SENP7: variants seen among roughly 807,000 people sequenced by gnomAD.
SENP7 encodes the protein SUMO specific peptidase 7.
SENP7 carries 64 observed loss-of-function variants against 141.2 expected under a neutral mutation model. The ratio of observed to expected loss-of-function variants is 0.45; its 90% confidence interval spans 0.37 to 0.56. The LOEUF is 0.56. SENP7 is among the 20% of genes least tolerant of loss of function. SENP7 has a pLI of 0.00. For missense variants in SENP7, 1,025 were observed against 1,212.2 expected (o/e 0.85, Z 2.29); for synonymous variants, 382 against 426.4 (o/e 0.90, Z 1.28).
intron 18 of SENP7, 120 bp downstream of exon 18, chr3:101,332,650 A>G (rs946691441): frequency 1.8e-6 from 1 of 560,804 alleles, no homozygotes; most frequent in Non-Finnish European, 2.8e-6. Flanking sequence ...ATTTAAAAAA[A>G]TTAAAATAAT....
rs1411329791 is a variant in SENP7, at chr3:101,453,102, G to A, written c.284+5853C>T. Among the ~76,000 whole-genome samples, 9 of 152,172 alleles carry A rather than the reference G, an allele frequency of 5.9e-5. No homozygotes were observed. In the Middle Eastern group the frequency reaches 0.01, roughly 173 times the overall value. On this transcript the variant is annotated intron_variant, in intron 4 of 23. Transcript: ENST00000394095. Reference sequence around the variant, plus strand: ...AAAGAAGACATTTATGCAGCCAAAAGACACATGAAAAAATGCTCATCATCA... The same window carrying A: ...AAAGAAGACATTTATGCAGCCAAAAAACACATGAAAAAATGCTCATCATCA...
rs368791701 is a variant in SENP7, at chr3:101,482,681, A to G, written c.186+11192T>C. 2.4e-4 allele frequency among the ~76,000 whole-genome samples: 37 copies of G among 152,298 alleles called. No homozygotes were observed. In the East Asian group the frequency reaches 4.6e-3, roughly 19 times the overall value. On this transcript the variant is annotated intron_variant, in intron 3 of 23. Coordinates refer to ENST00000394095, the MANE Select transcript of SENP7 (RefSeq NM_020654.5). The stretch of plus-strand genomic sequence containing the variant: ...ACTTATTATAAAGCTACACTAATCA[A>G]GAGAGTGTGGTATGGGTGAAAGAAT...
At chr3:101,473,536 T>C (rs2064095791) in intron 3 of SENP7, among the ~76,000 whole-genome samples, 1 of 152,238 alleles carries the variant, frequency 6.6e-6, no homozygotes, top group South Asian at 2.1e-4. Context: ...ACGTCTTCTT[T>C]GGAAAAGCAC....
intron 6 of SENP7, among the ~76,000 whole-genome samples, chr3:101,392,469 G>A (rs1017400735): frequency 1.4e-4 from 21 of 151,900 alleles, no homozygotes; most frequent in African/African-American, 2.9e-4. Context: ...AAATAACTAC[G>A]AATAAATTTA....
At chr3:101,413,504 T>C (rs950760964) in intron 5 of SENP7, among the ~76,000 whole-genome samples, 1 of 152,140 alleles carries the variant, frequency 6.6e-6, no homozygotes, top group East Asian at 1.9e-4. Context: ...CAAACATTAA[T>C]TGAGCATTTA....
chr3:101,327,809 C>G lies in SENP7; in HGVS notation c.2872G>C (p.Glu958Gln), dbSNP rs769204505. The change falls in exon 23 of 24, where the codon GAG becomes CAG. Residue 958 changes from glutamate to glutamine, a missense_variant. By Grantham distance (29) the Glu-to-Gln change is conservative. Coordinates refer to ENST00000394095, the MANE Select transcript of SENP7 (RefSeq NM_020654.5). ...NTVQNLREYL[E>Q]VEWEVKLKTH... ...TTTAGTTTAACTTCCCACTCTACCTCTAAATACCTGAAATAATCAACAAAT... is the reference window on the plus strand; with the variant it reads ...TTTAGTTTAACTTCCCACTCTACCTGTAAATACCTGAAATAATCAACAAAT... 1 of 1,600,654 alleles carries G rather than the reference C, an allele frequency of 6.2e-7. No individual in the cohort carries two copies. The highest frequency in any genetic ancestry group is 8.5e-7 in the Non-Finnish European group (1 of 1,170,380).
At chr3:101,376,291 C>A (rs999050245) in intron 6 of SENP7, among the ~76,000 whole-genome samples, 1 of 151,918 alleles carries the variant, frequency 6.6e-6, no homozygotes, top group African/African-American at 2.4e-5. Flanking sequence ...GATGGCTGCA[C>A]AAATATGTGA....
chr3:101,470,783 G>A (rs1297419955), intron 3 of SENP7, among the ~76,000 whole-genome samples: 1 of 152,168 alleles, frequency 6.6e-6, no homozygotes, highest in Admixed American at 6.6e-5. Context: ...TCCTTAAGCT[G>A]AGAAGCAACT....
intron 19 of SENP7, among the ~76,000 whole-genome samples, chr3:101,331,702 G>A (rs2062319): frequency 0.064 from 9,759 of 152,010 alleles, 606 homozygotes; most frequent in East Asian, 0.22. Context: ...AGGTGAAACA[G>A]GTATTGATGT....
intron 1 of SENP7, among the ~76,000 whole-genome samples, chr3:101,510,315 AC>A (rs1474099138): frequency 2.0e-5 from 3 of 152,184 alleles, no homozygotes; most frequent in Non-Finnish European, 4.4e-5. Context: ...TTTAGCTTAA[AC>A]CATCTGGAAT....
intron 20 of SENP7, 72 bp downstream of exon 20, chr3:101,330,262 G>T: frequency 1.8e-6 from 2 of 1,130,676 alleles, no homozygotes; most frequent in Non-Finnish European, 2.6e-6. Flanking sequence ...ACCTAGCTAT[G>T]CTCTATTTTA....
At chr3:101,504,980 G>A (rs973766281) in intron 1 of SENP7, among the ~76,000 whole-genome samples, 7 of 152,036 alleles carry the variant, frequency 4.6e-5, no homozygotes, top group African/African-American at 1.4e-4. Flanking sequence ...GTGGAGAATC[G>A]CTTGAGCCCA....
At chr3:101,463,414 T>C (rs1409515134) in intron 3 of SENP7, among the ~76,000 whole-genome samples, 6 of 127,924 alleles carry the variant, frequency 4.7e-5, no homozygotes, top group African/African-American at 1.6e-4. Flanking sequence ...TATATATATA[T>C]ATACACACAC....
chr3:101,444,500 C>A (rs1195571470), intron 4 of SENP7, among the ~76,000 whole-genome samples: 1 of 151,898 alleles, frequency 6.6e-6, no homozygotes, highest in Non-Finnish European at 1.5e-5. Flanking sequence ...CCCAAATGTC[C>A]AACAATGATA....
intron 19 of SENP7, among the ~76,000 whole-genome samples, chr3:101,331,247 C>T (rs62282892): frequency 0.14 from 21,986 of 151,776 alleles, 1,635 homozygotes; most frequent in South Asian, 0.19. Flanking sequence ...TAGGAGCCTG[C>T]GGTGTGAGGA....
At chr3:101,442,695 A>G (rs2062726039) in intron 4 of SENP7, among the ~76,000 whole-genome samples, 1 of 152,256 alleles carries the variant, frequency 6.6e-6, no homozygotes, top group Non-Finnish European at 1.5e-5. Context: ...ACACAGAGAT[A>G]GGTATCATTA....
intron 6 of SENP7, among the ~76,000 whole-genome samples, chr3:101,389,833 A>T (rs1459748077): frequency 6.6e-6 from 1 of 152,160 alleles, no homozygotes; most frequent in Non-Finnish European, 1.5e-5. Context: ...AAAAAAGGAT[A>T]TACAAAACAC....
chr3:101,441,154 G>C (rs1304839874), intron 4 of SENP7, among the ~76,000 whole-genome samples: 1 of 152,274 alleles, frequency 6.6e-6, no homozygotes, highest in Middle Eastern at 3.4e-3. Context: ...GCTGCCACCA[G>C]TGTTTACATG....
intron 1 of SENP7, among the ~76,000 whole-genome samples, chr3:101,512,086 T>C (rs779818970): frequency 1.2e-4 from 18 of 152,126 alleles, no homozygotes; most frequent in Non-Finnish European, 1.8e-4. Flanking sequence ...TCCCAAGGTG[T>C]TGGCATTACA....
Sources: gnomAD v4.1 joint callset for allele counts (sites outside exome capture counted in the v4.1 genomes callset) on GRCh38, gnomAD v4.1.1 for gene constraint, MANE v1.5 for transcripts, NCBI Gene and HGNC (gene_info 2026-07-23, HGNC 2026-07-21) for gene names.